The following AFF3 variants were observed in gnomAD, a reference collection of about 807,000 sequenced individuals.
The protein encoded by AFF3 is AF4/FMR2 family member 3.
In AFF3, 32 loss-of-function variants were observed where a neutral mutation model predicts 129.7. That is an observed-to-expected ratio of 0.25 (90% confidence interval 0.19 to 0.33). The LOEUF (loss-of-function observed/expected upper bound fraction) is 0.33, where lower values mean the gene tolerates loss of function less well. AFF3 is among the 10% of genes least tolerant of loss of function. AFF3 has a pLI of 1.00. For missense variants in AFF3, 1,373 were observed against 1,592.0 expected (o/e 0.86, Z 2.34); for synonymous variants, 644 against 635.4 (o/e 1.01, Z -0.20).
intron 8 of AFF3, among the ~76,000 whole-genome samples, chr2:99,833,542 A>G (rs774889823): frequency 2.0e-5 from 3 of 152,142 alleles, no homozygotes; most frequent in Non-Finnish European, 4.4e-5. Flanking sequence ...AATCTCAAAC[A>G]CTGATCTCTT....
intron 7 of AFF3, among the ~76,000 whole-genome samples, chr2:99,918,695 T>C (rs1695650782): frequency 6.6e-6 from 1 of 152,160 alleles, no homozygotes; most frequent in African/African-American, 2.4e-5. Context: ...ACAAAAGTGG[T>C]AATTAAGTGA....
chr2:99,631,380 T>G (rs1005230900), intron 13 of AFF3, among the ~76,000 whole-genome samples: 3 of 152,206 alleles, frequency 2.0e-5, no homozygotes, highest in African/African-American at 7.2e-5. Flanking sequence ...TTAACCAATT[T>G]TAAGTGTTCA....
chr2:99,835,414 C>A (rs1688793619), intron 8 of AFF3, among the ~76,000 whole-genome samples: 1 of 152,104 alleles, frequency 6.6e-6, no homozygotes, highest in South Asian at 2.1e-4. Context: ...TGGGCGGTAA[C>A]CAAGAGTCCT....
intron 13 of AFF3, chr2:99,630,735 CT>C: frequency 5.9e-6 from 1 of 168,290 alleles, no homozygotes; most frequent in South Asian, 1.4e-4. Context: ...AAGTGCCACC[CT>C]TTTAAAACCA....
chr2:100,132,505 A>G (rs1001572738), intron 1 of AFF3, among the ~76,000 whole-genome samples: 2 of 152,232 alleles, frequency 1.3e-5, no homozygotes, highest in Non-Finnish European at 2.9e-5. Flanking sequence ...CTTAATGAAG[A>G]GAGAAAAAAG....
chr2:99,777,970 A>C (rs929330867), intron 8 of AFF3, among the ~76,000 whole-genome samples: 1 of 147,858 alleles, frequency 6.8e-6, no homozygotes, highest in Non-Finnish European at 1.5e-5. Context: ...AAAAAAAAAA[A>C]ACAAAATGCA....
intron 7 of AFF3, among the ~76,000 whole-genome samples, chr2:99,901,195 C>A (rs1694320328): frequency 1.3e-5 from 2 of 152,300 alleles, no homozygotes; most frequent in South Asian, 4.1e-4. Flanking sequence ...CTCTTTTTTA[C>A]CCCTCAATTC....
chr2:99,802,914 T>A (rs981205278), intron 8 of AFF3, among the ~76,000 whole-genome samples: 15 of 152,246 alleles, frequency 9.9e-5, no homozygotes, highest in African/African-American at 3.6e-4. Context: ...AAGAGATAGT[T>A]TGACTTCCTC....
rs1674119580 is a variant in AFF3, at chr2:99,547,515, T to TG, written c.*3958dup. 4.9e-6 allele frequency: 1 copy of TG among 205,732 alleles called. No homozygotes were observed. The highest frequency in any genetic ancestry group is 9.9e-6 in the Non-Finnish European group (1 of 100,688). The allele number at this position is 205,732 out of a possible 1,614,324, so 12.7% of individuals were successfully genotyped here. On this transcript the variant is annotated 3_prime_UTR_variant, in exon 25 of 25. Transcript: ENST00000672756. Reference sequence around the variant, plus strand: ...TCTTGCTTTTTTTTTTTTTTGGTGATGCAGATTTCAACAGTAACTCTGGAA... The same window carrying TG: ...TCTTGCTTTTTTTTTTTTTTGGTGATGGCAGATTTCAACAGTAACTCTGGAA...
chr2:99,573,064 T>G (rs1575393476), intron 18 of AFF3, among the ~76,000 whole-genome samples: 1 of 151,980 alleles, frequency 6.6e-6, no homozygotes, highest in African/African-American at 2.4e-5. Context: ...GTGGGGCGGG[T>G]GTTGAATCAA....
At chr2:99,779,508 GTTA>G (rs1481562420) in intron 8 of AFF3, among the ~76,000 whole-genome samples, 3 of 150,570 alleles carry the variant, frequency 2.0e-5, no homozygotes, top group Admixed American at 1.3e-4. Flanking sequence ...CACAGTCACA[GTTA>G]TTATTCTTAT....
chr2:100,028,116 T>C (rs1239898370), intron 4 of AFF3, among the ~76,000 whole-genome samples: 1 of 152,210 alleles, frequency 6.6e-6, no homozygotes, highest in Non-Finnish European at 1.5e-5. Flanking sequence ...TGAAACAGTT[T>C]TTTTCAATTA....
At chr2:99,888,837 A>C (rs921879653) in intron 7 of AFF3, among the ~76,000 whole-genome samples, 1 of 152,208 alleles carries the variant, frequency 6.6e-6, no homozygotes, top group Admixed American at 6.5e-5. Flanking sequence ...AATGACGGCA[A>C]CAAGACACTT....
intron 10 of AFF3, among the ~76,000 whole-genome samples, chr2:99,729,834 T>C (rs1167311155): frequency 7.0e-6 from 1 of 142,432 alleles, no homozygotes; most frequent in Non-Finnish European, 1.5e-5. Context: ...GCTGTTTTCA[T>C]GATGGATATT....
chr2:99,881,208 A>T (rs966903481), intron 7 of AFF3, among the ~76,000 whole-genome samples: 2 of 152,198 alleles, frequency 1.3e-5, no homozygotes, highest in Non-Finnish European at 2.9e-5. Flanking sequence ...AATAAAAATG[A>T]TTTTTAAATA....
At chr2:99,834,196 G>A (rs997131848) in intron 8 of AFF3, among the ~76,000 whole-genome samples, 2 of 152,156 alleles carry the variant, frequency 1.3e-5, no homozygotes, top group African/African-American at 2.4e-5. Flanking sequence ...TCTTCATCTA[G>A]TAAGTCAGTA....
chr2:99,842,440 C>T (rs1689387044), intron 7 of AFF3, among the ~76,000 whole-genome samples: 1 of 152,096 alleles, frequency 6.6e-6, no homozygotes, highest in African/African-American at 2.4e-5. Flanking sequence ...TTTAATTACT[C>T]TGTATTTTTT....
chr2:99,597,441 C>T (rs1407065576), intron 14 of AFF3, among the ~76,000 whole-genome samples: 2 of 152,236 alleles, frequency 1.3e-5, no homozygotes, highest in African/African-American at 4.8e-5. Flanking sequence ...ATGCTTCTTT[C>T]AGGCAAGGGC....
At chr2:99,860,189 G>A (rs969601002) in intron 7 of AFF3, among the ~76,000 whole-genome samples, 6 of 152,094 alleles carry the variant, frequency 3.9e-5, no homozygotes, top group Non-Finnish European at 8.8e-5. Context: ...GGCTGAGGCG[G>A]GAGGATCACC....
Sources: gnomAD v4.1 joint callset for allele counts (sites outside exome capture counted in the v4.1 genomes callset) on GRCh38, gnomAD v4.1.1 for gene constraint, MANE v1.5 for transcripts, NCBI Gene and HGNC (gene_info 2026-07-23, HGNC 2026-07-21) for gene names.